KLRG1: variants seen among roughly 807,000 people sequenced by gnomAD.
KLRG1 encodes the protein killer cell lectin-like receptor subfamily G member 1.
Under a neutral mutation model 21.8 loss-of-function variants are expected in KLRG1, and 16 were observed. The observed-to-expected ratio is 0.73, with a 90% CI of 0.50 to 1.11. The LOEUF (loss-of-function observed/expected upper bound fraction) is 1.11. Ranked by LOEUF, KLRG1 falls within the 50% of genes most tolerant of loss-of-function variation. The probability of loss-of-function intolerance (pLI) is 0.00; values close to 1 mark genes in which losing one functional copy is unlikely to be tolerated. For missense variants in KLRG1, 173 were observed against 218.3 expected (o/e 0.79, Z 1.31); for synonymous variants, 69 against 75.9 (o/e 0.91, Z 0.47).
the KLRG1 span, chr12:9,149,112 T>A: frequency 1.1e-6 from 1 of 876,156 alleles, no homozygotes; most frequent in Non-Finnish European, 1.9e-6. Context: ...GGCCAGATGG[T>A]AATTATTTTA....
chr12:9,167,820 T>A, the KLRG1 span, among the ~76,000 whole-genome samples: 1 of 152,168 alleles, frequency 6.6e-6, no homozygotes, highest in African/African-American at 2.4e-5. Context: ...CCCCCAAACC[T>A]CAATGGTTTA....
chr12:9,162,429 G>A, the KLRG1 span: 1 of 595,326 alleles, frequency 1.7e-6, no homozygotes, highest in Admixed American at 3.1e-5. Flanking sequence ...TGCTCTCTTG[G>A]GCTCAATGTC....
the KLRG1 span, among the ~76,000 whole-genome samples, chr12:9,055,092 C>G: frequency 6.6e-6 from 1 of 152,152 alleles, no homozygotes; most frequent in Non-Finnish European, 1.5e-5. Context: ...TGTTTTTCAA[C>G]CCAAAGTCAT....
At chr12:9,090,539 GT>G in the KLRG1 span, 1 of 1,576,624 alleles carries the variant, frequency 6.3e-7, no homozygotes, top group Non-Finnish European at 8.7e-7. Flanking sequence ...GGGAGAATGG[GT>G]TTGAAGTAAA....
the KLRG1 span, among the ~76,000 whole-genome samples, chr12:9,164,793 G>T: frequency 6.6e-6 from 1 of 152,196 alleles, no homozygotes; most frequent in Non-Finnish European, 1.5e-5. Context: ...GAGATTTCAA[G>T]ATGACGGGTT....
At chr12:9,002,190 T>G (rs1947325202) in intron 3 of KLRG1, among the ~76,000 whole-genome samples, 1 of 152,198 alleles carries the variant, frequency 6.6e-6, no homozygotes, top group African/African-American at 2.4e-5. Flanking sequence ...AGATAAGATT[T>G]TATAGTTTTG....
chr12:9,101,359 G>T, the KLRG1 span: 1 of 1,349,250 alleles, frequency 7.4e-7, no homozygotes, highest in Non-Finnish European at 1.0e-6. Flanking sequence ...AGAAGTTGAA[G>T]TAATGACATC....
chr12:9,209,144 A>G, the KLRG1 span, among the ~76,000 whole-genome samples: 1 of 152,168 alleles, frequency 6.6e-6, no homozygotes, highest in Non-Finnish European at 1.5e-5. Flanking sequence ...ATGCTCTCAT[A>G]GAACTTGTAG....
intron 3 of KLRG1, among the ~76,000 whole-genome samples, chr12:9,003,143 T>C (rs1195812630): frequency 1.3e-5 from 2 of 152,038 alleles, no homozygotes; most frequent in African/African-American, 4.8e-5. Context: ...GAGCACAGGA[T>C]TGGGGTTTGT....
chr12:9,063,859 T>C, the KLRG1 span, among the ~76,000 whole-genome samples: 18 of 152,216 alleles, frequency 1.2e-4, no homozygotes, highest in South Asian at 4.1e-4. Flanking sequence ...AATCAGTTAG[T>C]ATTTCAGGAA....
At chr12:9,114,032 C>T in the KLRG1 span, among the ~76,000 whole-genome samples, 1 of 152,162 alleles carries the variant, frequency 6.6e-6, no homozygotes, top group Non-Finnish European at 1.5e-5. Context: ...CGCTTCCACT[C>T]CACAGATATG....
At chr12:9,117,875 T>C in the KLRG1 span, among the ~76,000 whole-genome samples, 1 of 152,206 alleles carries the variant, frequency 6.6e-6, no homozygotes, top group African/African-American at 2.4e-5. Context: ...AAATTGTTAA[T>C]GATATCTTAA....
the KLRG1 span, among the ~76,000 whole-genome samples, chr12:9,193,923 T>C: frequency 3.9e-4 from 59 of 152,314 alleles, no homozygotes; most frequent in Admixed American, 8.5e-4. Context: ...GCCTTTATTG[T>C]TTTTCATGAA....
At chr12:8,984,707 T>C (rs1007480584), upstream of KLRG1, among the ~76,000 whole-genome samples, 4 of 152,218 alleles carry the variant, frequency 2.6e-5, no homozygotes, top group Admixed American at 6.5e-5. Flanking sequence ...TATGCAGATA[T>C]TAAAGTCCTT....
the KLRG1 span, chr12:9,153,208 G>A: frequency 4.3e-6 from 7 of 1,614,216 alleles, no homozygotes; most frequent in Admixed American, 1.7e-5. Flanking sequence ...TGCAGTAATA[G>A]GAGGTTGTTG....
the KLRG1 span, among the ~76,000 whole-genome samples, chr12:9,194,712 C>T: frequency 1.3e-5 from 2 of 152,126 alleles, no homozygotes; most frequent in Non-Finnish European, 2.9e-5. Context: ...GATCTGCCCG[C>T]CTCGGCCTCC....
chr12:9,202,226 T>G, the KLRG1 span: 73 of 1,184,680 alleles, frequency 6.2e-5, 1 homozygote, highest in African/African-American at 1.1e-3. Context: ...CAAGTGTCTT[T>G]CATCCTCTCG....
chr12:9,192,249 G>T, the KLRG1 span: 2 of 1,613,946 alleles, frequency 1.2e-6, no homozygotes, highest in Non-Finnish European at 1.7e-6. Context: ...GACTCCCTTA[G>T]CCATGATCTG....
At chr12:9,181,907 G>C in the KLRG1 span, 23 of 1,523,416 alleles carry the variant, frequency 1.5e-5, no homozygotes, top group South Asian at 2.9e-4. Flanking sequence ...GTTTTCTCTG[G>C]GGTAAAATAG....
Sources: allele counts gnomAD v4.1 joint callset (sites outside exome capture counted in the v4.1 genomes callset), GRCh38; gene constraint gnomAD v4.1.1; transcripts MANE v1.5; gene names NCBI Gene and HGNC (gene_info 2026-07-23, HGNC 2026-07-21).